Variants in WT1 observed in about 807,000 individuals in gnomAD.
WT1 encodes the protein Wilms tumor protein.
A neutral mutation model predicts 60.8 loss-of-function variants in WT1; 8 were observed. That is an observed-to-expected ratio of 0.13 (90% CI 0.08 to 0.24). The LOEUF (loss-of-function observed/expected upper bound fraction) is 0.24. Ranked by LOEUF, WT1 falls within the 10% of genes least tolerant of loss-of-function variation. The pLI is 1.00. For missense variants in WT1, 568 were observed against 711.8 expected, an observed-to-expected ratio of 0.80 and a Z score of 2.30; for synonymous variants, 312 against 297.1, an observed-to-expected ratio of 1.05 and a Z score of -0.52.
chr11:32,415,094 C>T (rs1000002937), intron 5 of WT1, among the ~76,000 whole-genome samples: 1 of 152,152 alleles, frequency 6.6e-6, no homozygotes, highest in African/African-American at 2.4e-5. Context: ...ATTATCTTAA[C>T]CATGGAAATA....
intron 3 of WT1, 127 bp from the exon 4 acceptor site, chr11:32,417,781 A>G: frequency 1.3e-6 from 1 of 783,364 alleles, no homozygotes; most frequent in Non-Finnish European, 2.2e-6. Flanking sequence ...GAATGACAGA[A>G]TATGCAAATC....
chr11:32,389,784 G>T (rs530959175), intron 9 of WT1, among the ~76,000 whole-genome samples: 60 of 151,924 alleles, frequency 3.9e-4, no homozygotes, highest in African/African-American at 1.4e-3. Flanking sequence ...CCTGTTATAT[G>T]GAAGATTCTA....
At chr11:32,408,898 G>A (rs1219441447) in intron 5 of WT1, among the ~76,000 whole-genome samples, 3 of 152,202 alleles carry the variant, frequency 2.0e-5, no homozygotes, top group East Asian at 3.8e-4. Flanking sequence ...ATGAACCACA[G>A]ATTGCTGGAC....
intron 1 of WT1, among the ~76,000 whole-genome samples, chr11:32,434,363 G>C (rs747249211): frequency 1.3e-5 from 2 of 152,256 alleles, no homozygotes; most frequent in Admixed American, 6.5e-5. Context: ...CCCCAAGGCA[G>C]AGCCAGACAC....
At chr11:32,426,722 C>T (rs1853053721) in intron 3 of WT1, among the ~76,000 whole-genome samples, 1 of 152,212 alleles carries the variant, frequency 6.6e-6, no homozygotes, top group African/African-American at 2.4e-5. Flanking sequence ...AGTCCGCGCG[C>T]CTCAGGCGTT....
intron 7 of WT1, among the ~76,000 whole-genome samples, chr11:32,393,579 G>A (rs1851880563): frequency 6.6e-6 from 1 of 152,208 alleles, no homozygotes. Flanking sequence ...GCAGCCCCCT[G>A]TTACCTTTCC....
chr11:32,416,607 C>T, intron 4 of WT1, 67 bp from the exon 5 acceptor site: 1 of 1,593,066 alleles, frequency 6.3e-7, no homozygotes, highest in Non-Finnish European at 8.6e-7. Flanking sequence ...CCCCCCAGAT[C>T]CCAGAATCCA....
intron 5 of WT1, 29 bp from the exon 6 acceptor site, chr11:32,400,073 C>T (rs761525624): frequency 6.2e-7 from 1 of 1,612,366 alleles, no homozygotes; most frequent in Non-Finnish European, 8.5e-7. Flanking sequence ...GAAAAAGGCT[C>T]AGTGTGGCTC....
chr11:32,428,423 T>C, intron 2 of WT1, 74 bp downstream of exon 2: 1 of 1,607,910 alleles, frequency 6.2e-7, no homozygotes, highest in Non-Finnish European at 8.5e-7. Context: ...TTGCTGTGGG[T>C]TAGGAATTCC....
chr11:32,396,479 G>A lies in WT1; in HGVS notation c.1114-72C>T, dbSNP rs1564973194. On this transcript the variant is annotated intron_variant, in intron 6 of 9. Coordinates refer to ENST00000452863, the MANE Select transcript of WT1 (RefSeq NM_024426.6). ...ACATTCACGTAGGTCTTGAGGGAGA[G>A]TGAGCACTGGAGTATATCCAAAGAA... 4 of 1,594,036 alleles carry A rather than the reference G, an allele frequency of 2.5e-6. No individual in the cohort carries two copies. In the East Asian group the frequency reaches 6.7e-5, roughly 27 times the overall value.
rs1590410808 is a variant in WT1 at position 32,435,136 on chromosome 11, G to T, written c.225C>A (p.Gly75=). ...GCGCGTTCAGGTCCCGCACGTCGGA[G>T]CCCATTTGCTGCGGCTCAGACCCGG... The change falls in exon 1 of 10, where the codon GGC becomes GGA. Residue 75 remains glycine (G), a synonymous_variant. Coordinates refer to ENST00000452863, the MANE Select transcript of WT1 (RefSeq NM_024426.6). 1 of 1,519,412 alleles carries T rather than the reference G, an allele frequency of 6.6e-7. No individual in the cohort carries two copies. Among genetic ancestry groups the T allele is most frequent in the Non-Finnish European group, 8.8e-7 (1 of 1,140,952 alleles). The allele number at this position is 1,519,412 out of a possible 1,614,324, so 94.1% of individuals were successfully genotyped here.
chr11:32,410,637 T>A (rs560852140), intron 5 of WT1, among the ~76,000 whole-genome samples: 2 of 152,214 alleles, frequency 1.3e-5, no homozygotes, highest in Non-Finnish European at 2.9e-5. Flanking sequence ...AATGTTTTGG[T>A]CCCGTCTGAA....
chr11:32,396,401 G>A lies in WT1; in HGVS notation c.1120C>T (p.Arg374Ter), dbSNP rs1423753702. 1.9e-6 allele frequency: 3 copies of A among 1,613,656 alleles called. No individual in the cohort carries two copies. Among genetic ancestry groups the A allele is most frequent in the Admixed American group, 3.3e-5 (2 of 60,002 alleles). The change falls in exon 7 of 10, where the codon CGA becomes TGA. Residue 374 changes from arginine (R) to a stop codon, truncating the protein, a stop_gained. Coordinates refer to ENST00000452863, the MANE Select transcript of WT1 (RefSeq NM_024426.6). LOFTEE classifies it high-confidence loss of function. The stretch of plus-strand genomic sequence containing the variant: ...GTCGGGGCTACTCCAGGCACACGTC[G>A]CACATCCTGCAGGCAGAGAGTAAGA...
At chr11:32,430,197 A>G (rs1433369927) in intron 1 of WT1, among the ~76,000 whole-genome samples, 1 of 151,756 alleles carries the variant, frequency 6.6e-6, no homozygotes, top group East Asian at 1.9e-4. Flanking sequence ...GAGGGCCTCC[A>G]TTTCTCTCCT....
chr11:32,400,351 T>C (rs1590346118), intron 5 of WT1: 2 of 460,678 alleles, frequency 4.3e-6, no homozygotes, highest in Non-Finnish European at 8.1e-6. Context: ...CCTCGGCAAG[T>C]TGTTTACCAT....
intron 1 of WT1, 89 bp downstream of exon 1, chr11:32,434,611 C>A: frequency 6.3e-7 from 1 of 1,596,166 alleles, no homozygotes; most frequent in South Asian, 1.1e-5. Context: ...GAGCTGCGGT[C>A]AAAAGGGGTA....
At chr11:32,395,926 A>G (rs1851956365) in intron 7 of WT1, among the ~76,000 whole-genome samples, 1 of 152,164 alleles carries the variant, frequency 6.6e-6, no homozygotes, top group Admixed American at 6.5e-5. Flanking sequence ...TCTGATGACT[A>G]TATTCCCAGG....
chr11:32,389,244 A>T (rs2132900637), intron 9 of WT1, 65 bp from the exon 10 acceptor site: 1 of 1,612,490 alleles, frequency 6.2e-7, no homozygotes, highest in Non-Finnish European at 8.5e-7. Flanking sequence ...TCAACTATCA[A>T]GGCCCGAGTG....
chr11:32,407,217 G>T (rs1434367797), intron 5 of WT1, among the ~76,000 whole-genome samples: 2 of 151,978 alleles, frequency 1.3e-5, no homozygotes, highest in Non-Finnish European at 2.9e-5. Context: ...CTAAAAACAC[G>T]TACATTGAGA....
Sources: allele counts gnomAD v4.1 joint callset (sites outside exome capture counted in the v4.1 genomes callset), GRCh38; gene constraint gnomAD v4.1.1; transcripts MANE v1.5; gene names NCBI Gene and HGNC (gene_info 2026-07-23, HGNC 2026-07-21).